The following CTDSPL2 variants were observed in gnomAD, a reference collection of about 807,000 sequenced individuals.
The protein encoded by CTDSPL2 is CTD small phosphatase like 2, also known as CTD small phosphatase-like protein 2.
Under a neutral mutation model 60.0 loss-of-function variants are expected in CTDSPL2, and 5 were observed. The observed-to-expected ratio is 0.08, with a 90% CI of 0.04 to 0.18. The LOEUF (loss-of-function observed/expected upper bound fraction) is 0.18. CTDSPL2 is among the 10% of genes least tolerant of loss of function. The probability of loss-of-function intolerance (pLI) is 1.00; values close to 1 mark genes in which losing one functional copy is unlikely to be tolerated. For synonymous variants in CTDSPL2, 186 were observed against 189.3 expected (o/e 0.98, Z 0.14); for missense variants, 370 against 548.8 (o/e 0.67, Z 3.26).
intron 2 of CTDSPL2, among the ~76,000 whole-genome samples, chr15:44,481,436 G>A (rs1015324738): frequency 2.0e-5 from 3 of 152,052 alleles, no homozygotes; most frequent in Admixed American, 6.6e-5. Context: ...ATAGTAGGGG[G>A]GAGGGGTTTG....
At chr15:44,485,137 T>C (rs2140787054) in intron 3 of CTDSPL2, among the ~76,000 whole-genome samples, 1 of 152,232 alleles carries the variant, frequency 6.6e-6, no homozygotes, top group East Asian at 1.9e-4. Flanking sequence ...TGTGGAGGGG[T>C]GGCTACTAGT....
chr15:44,463,738 T>C (rs2080624472), intron 2 of CTDSPL2, among the ~76,000 whole-genome samples: 1 of 152,200 alleles, frequency 6.6e-6, no homozygotes, highest in African/African-American at 2.4e-5. Flanking sequence ...ACCATATTCT[T>C]AATCACATAT....
chr15:44,523,153 C>T (rs1486649782), intron 12 of CTDSPL2, among the ~76,000 whole-genome samples: 1 of 152,074 alleles, frequency 6.6e-6, no homozygotes, highest in Non-Finnish European at 1.5e-5. Flanking sequence ...CCCGCCACCA[C>T]GCCTGGCTAA....
chr15:44,503,041 T>A (rs1172817010), intron 8 of CTDSPL2, among the ~76,000 whole-genome samples: 1 of 152,184 alleles, frequency 6.6e-6, no homozygotes, highest in African/African-American at 2.4e-5. Flanking sequence ...CTGAAAGATC[T>A]ATCTCAAATT....
intron 1 of CTDSPL2, among the ~76,000 whole-genome samples, chr15:44,434,428 C>G (rs1288975438): frequency 1.3e-5 from 2 of 152,138 alleles, no homozygotes; most frequent in Non-Finnish European, 1.5e-5. Flanking sequence ...GAGTCTTACT[C>G]TCTCACCTAG....
intron 1 of CTDSPL2, among the ~76,000 whole-genome samples, chr15:44,439,007 A>G (rs1040845260): frequency 1.3e-5 from 2 of 152,010 alleles, no homozygotes; most frequent in African/African-American, 2.4e-5. Context: ...AATGTCATGA[A>G]TTCTTAGGCT....
In CTDSPL2 at chr15:44,514,074, C is replaced by T. The variant is rs979138438; in HGVS notation, c.970-524C>T. The stretch of plus-strand genomic sequence containing the variant: ...AATAGGAAGATTGATTTCTGAAAAA[C>T]TGAGGTTATTTAAACCCATCAATCC... On this transcript the variant is annotated intron_variant, in intron 8 of 12. Transcript: ENST00000260327. 2.0e-5 allele frequency among the ~76,000 whole-genome samples: 3 copies of T among 152,268 alleles called. No homozygotes were observed. The East Asian group carries it at 5.8e-4, about 29-fold the overall frequency.
chr15:44,480,279 G>A (rs949838134), intron 2 of CTDSPL2, among the ~76,000 whole-genome samples: 1 of 152,134 alleles, frequency 6.6e-6, no homozygotes, highest in Non-Finnish European at 1.5e-5. Flanking sequence ...GGTTTCCAGT[G>A]ACTACCTACC....
intron 1 of CTDSPL2, among the ~76,000 whole-genome samples, chr15:44,454,988 A>T (rs1434972162): frequency 6.6e-6 from 1 of 152,146 alleles, no homozygotes; most frequent in African/African-American, 2.4e-5. Flanking sequence ...CTTGATAGGG[A>T]TGGCATTGAA....
chr15:44,465,096 T>A (rs986106623), intron 2 of CTDSPL2, among the ~76,000 whole-genome samples: 1 of 152,124 alleles, frequency 6.6e-6, no homozygotes, highest in Non-Finnish European at 1.5e-5. Context: ...AACATAAACT[T>A]TGGGGTAACA....
chr15:44,487,326 A>G (rs2081138705), intron 4 of CTDSPL2, among the ~76,000 whole-genome samples: 1 of 152,114 alleles, frequency 6.6e-6, no homozygotes, highest in Non-Finnish European at 1.5e-5. Context: ...GTGGTAGTGC[A>G]CGCCTGTAGT....
intron 1 of CTDSPL2, among the ~76,000 whole-genome samples, chr15:44,455,275 C>A (rs2080411166): frequency 6.6e-6 from 1 of 152,150 alleles, no homozygotes; most frequent in African/African-American, 2.4e-5. Flanking sequence ...GATTTTGTAT[C>A]CTGAGACTTT....
intron 1 of CTDSPL2, among the ~76,000 whole-genome samples, chr15:44,457,430 C>T (rs1160554291): frequency 6.6e-6 from 1 of 152,176 alleles, no homozygotes; most frequent in African/African-American, 2.4e-5. Context: ...ATAGTGCTAG[C>T]TTCAAACTTT....
At chr15:44,469,657 T>C (rs1595729780) in intron 2 of CTDSPL2, among the ~76,000 whole-genome samples, 1 of 152,204 alleles carries the variant, frequency 6.6e-6, no homozygotes, top group African/African-American at 2.4e-5. Context: ...TTGAATGTTC[T>C]ATATGTATTT....
intron 3 of CTDSPL2, among the ~76,000 whole-genome samples, chr15:44,484,665 G>A (rs1056141454): frequency 2.0e-5 from 3 of 152,144 alleles, no homozygotes; most frequent in Admixed American, 2.0e-4. Context: ...GCTGGAACCC[G>A]GGAGGCAGAG....
chr15:44,444,282 A>C (rs2080153956), intron 1 of CTDSPL2, among the ~76,000 whole-genome samples: 1 of 149,572 alleles, frequency 6.7e-6, no homozygotes, highest in Non-Finnish European at 1.5e-5. Context: ...TGCCAAATCC[A>C]ATGTTATGAG....
At chr15:44,480,931 TC>T (rs1567084479) in intron 2 of CTDSPL2, among the ~76,000 whole-genome samples, 1 of 152,234 alleles carries the variant, frequency 6.6e-6, no homozygotes, top group East Asian at 1.9e-4. Flanking sequence ...ACTGTGTCTT[TC>T]CTAGTTCGTC....
chr15:44,524,094 C>CTT lies in CTDSPL2; in HGVS notation c.1336-10_1336-9dup, dbSNP rs745537329. On this transcript the variant is annotated splice_polypyrimidine_tract_variant and intron_variant, in intron 12 of 12. Coordinates refer to ENST00000260327, the MANE Select transcript of CTDSPL2 (RefSeq NM_016396.3). ...AATTTTATGCCTTTTTAAAAATTGT[C>CTT]TTTTTTCCACGCAGAATGAAGATGT... 2 of 1,611,576 alleles carry CTT rather than the reference C, an allele frequency of 1.2e-6. No individual in the cohort carries two copies. The highest frequency in any genetic ancestry group is 1.7e-6 in the Non-Finnish European group (2 of 1,178,118).
At chr15:44,496,689 C>T (rs1023610847) in intron 6 of CTDSPL2, among the ~76,000 whole-genome samples, 7 of 152,060 alleles carry the variant, frequency 4.6e-5, no homozygotes, top group African/African-American at 7.2e-5. Flanking sequence ...GGCAAAACCT[C>T]GTCCCTATAA....
Sources: gnomAD v4.1 joint callset for allele counts (sites outside exome capture counted in the v4.1 genomes callset) on GRCh38, gnomAD v4.1.1 for gene constraint, MANE v1.5 for transcripts, NCBI Gene and HGNC (gene_info 2026-07-23, HGNC 2026-07-21) for gene names.